The following QTMAN variants were observed in gnomAD, a reference collection of about 807,000 sequenced individuals.
QTMAN encodes queuosine-tRNA mannosyltransferase.
chr2:144,194,593 G>A, the QTMAN span, among the ~76,000 whole-genome samples: 4,566 of 152,086 alleles, frequency 0.03, 230 homozygotes, highest in African/African-American at 0.1. Flanking sequence ...TACATCAGTC[G>A]GTAAGACAAA....
At chr2:143,957,011 G>C in the QTMAN span, among the ~76,000 whole-genome samples, 1 of 152,100 alleles carries the variant, frequency 6.6e-6, no homozygotes, top group African/African-American at 2.4e-5. Flanking sequence ...GGGGAAAAAT[G>C]AAACAAGTTC....
the QTMAN span, among the ~76,000 whole-genome samples, chr2:144,077,018 T>TA: frequency 7.9e-6 from 1 of 127,296 alleles, no homozygotes; most frequent in Admixed American, 7.7e-5. Context: ...AACAATAGAT[T>TA]AAAAAACTAA....
At chr2:144,143,194 A>C in the QTMAN span, among the ~76,000 whole-genome samples, 3 of 152,016 alleles carry the variant, frequency 2.0e-5, no homozygotes, top group Non-Finnish European at 2.9e-5. Context: ...AACTTATCAT[A>C]TTCTCAACTC....
At chr2:144,128,720 T>G in the QTMAN span, among the ~76,000 whole-genome samples, 1 of 152,006 alleles carries the variant, frequency 6.6e-6, no homozygotes, top group African/African-American at 2.4e-5. Flanking sequence ...ATGGGAAGAT[T>G]TCTAAAGTTT....
At chr2:144,318,194 AAC>A in the QTMAN span, among the ~76,000 whole-genome samples, 5,206 of 141,714 alleles carry the variant, frequency 0.037, 107 homozygotes, top group African/African-American at 0.055. Flanking sequence ...TATTTAAATA[AAC>A]ACACACACAC....
the QTMAN span, among the ~76,000 whole-genome samples, chr2:144,090,916 T>G: frequency 6.6e-6 from 1 of 151,920 alleles, no homozygotes; most frequent in Non-Finnish European, 1.5e-5. Context: ...AGAAAAAATT[T>G]GGGGGACTCA....
At chr2:144,190,382 T>C in the QTMAN span, among the ~76,000 whole-genome samples, 11 of 152,340 alleles carry the variant, frequency 7.2e-5, no homozygotes, top group East Asian at 2.1e-3. Flanking sequence ...TTACAATGGA[T>C]AGGACTATCC....
chr2:144,035,500 T>C, the QTMAN span, among the ~76,000 whole-genome samples: 1 of 152,218 alleles, frequency 6.6e-6, no homozygotes, highest in Non-Finnish European at 1.5e-5. Context: ...TGAGAAAGCA[T>C]TATATTTTTA....
the QTMAN span, among the ~76,000 whole-genome samples, chr2:144,092,147 A>T: frequency 3.5e-4 from 53 of 151,976 alleles, no homozygotes; most frequent in East Asian, 0.01. Context: ...ACAGGTGTAT[A>T]CATACGTCAA....
At chr2:144,219,033 G>A in the QTMAN span, among the ~76,000 whole-genome samples, 1 of 151,330 alleles carries the variant, frequency 6.6e-6, no homozygotes, top group Non-Finnish European at 1.5e-5. Flanking sequence ...ACTAGAAATA[G>A]ATATCCTTAA....
chr2:144,108,750 C>T, the QTMAN span, among the ~76,000 whole-genome samples: 1 of 150,910 alleles, frequency 6.6e-6, no homozygotes, highest in African/African-American at 2.5e-5. Context: ...AAATCACAAG[C>T]ATGCTTATAC....
At chr2:144,286,128 T>C in the QTMAN span, among the ~76,000 whole-genome samples, 1 of 152,190 alleles carries the variant, frequency 6.6e-6, no homozygotes, top group African/African-American at 2.4e-5. Flanking sequence ...TTCTAACCAG[T>C]ATCCAACCAC....
At chr2:144,110,399 G>A in the QTMAN span, among the ~76,000 whole-genome samples, 92 of 152,256 alleles carry the variant, frequency 6.0e-4, no homozygotes, top group African/African-American at 2.1e-3. Flanking sequence ...CATAGGGTGA[G>A]GGGAGGGGGG....
At chr2:143,952,138 C>T in the QTMAN span, 20 of 897,020 alleles carry the variant, frequency 2.2e-5, no homozygotes, top group Middle Eastern at 4.5e-4. Flanking sequence ...CGATATTAGT[C>T]ACTTTACTAA....
chr2:143,989,190 A>G, the QTMAN span, among the ~76,000 whole-genome samples: 1 of 151,872 alleles, frequency 6.6e-6, no homozygotes, highest in South Asian at 2.1e-4. Context: ...CCACATACTT[A>G]AGACTTTCTA....
chr2:144,041,456 T>C, the QTMAN span, among the ~76,000 whole-genome samples: 1 of 152,226 alleles, frequency 6.6e-6, no homozygotes, highest in Non-Finnish European at 1.5e-5. Flanking sequence ...ACCTGTAATG[T>C]ACAATACACT....
chr2:144,212,676 TA>T, the QTMAN span, among the ~76,000 whole-genome samples: 1 of 152,184 alleles, frequency 6.6e-6, no homozygotes, highest in Non-Finnish European at 1.5e-5. Context: ...AAAGAGCATA[TA>T]AAATATTTCA....
chr2:144,179,975 T>C, the QTMAN span, among the ~76,000 whole-genome samples: 11 of 152,216 alleles, frequency 7.2e-5, no homozygotes, highest in Non-Finnish European at 1.2e-4. Context: ...CTATGTTTCT[T>C]TGGGAAAATA....
the QTMAN span, chr2:144,145,629 G>A: frequency 1.9e-6 from 3 of 1,610,664 alleles, no homozygotes; most frequent in Admixed American, 3.3e-5. Context: ...TTTCTTGACA[G>A]GATATATCAA....
Sources: allele counts gnomAD v4.1 joint callset (sites outside exome capture counted in the v4.1 genomes callset), GRCh38; gene constraint gnomAD v4.1.1; transcripts MANE v1.5; gene names NCBI Gene and HGNC (gene_info 2026-07-23, HGNC 2026-07-21).